CNTN5: variants seen among roughly 807,000 people sequenced by gnomAD.
CNTN5 encodes the protein contactin 5.
CNTN5 carries 77 observed loss-of-function variants against 129.1 expected under a neutral mutation model. The observed-to-expected ratio is 0.60, with a 90% confidence interval of 0.50 to 0.72. The LOEUF (loss-of-function observed/expected upper bound fraction) is 0.72. Among genes scored for constraint, CNTN5 ranks in the 30% least tolerant of loss-of-function variants. The pLI, the probability that CNTN5 is intolerant of heterozygous loss-of-function variation, is 0.00. For synonymous variants in CNTN5, 509 were observed against 465.6 expected (o/e 1.09, Z -1.20); for missense variants, 1,478 against 1,328.8 (o/e 1.11, Z -1.75).
At chr11:99,609,904 T>G (rs930498698) in intron 3 of CNTN5, among the ~76,000 whole-genome samples, 1 of 152,100 alleles carries the variant, frequency 6.6e-6, no homozygotes, top group South Asian at 2.1e-4. Context: ...AAGACAGAGG[T>G]AATAGCAGTT....
intron 2 of CNTN5, among the ~76,000 whole-genome samples, chr11:99,514,360 T>A (rs1412948905): frequency 2.0e-5 from 3 of 152,084 alleles, no homozygotes; most frequent in African/African-American, 7.2e-5. Flanking sequence ...ATGCAGTTGA[T>A]AAAGCAGCAT....
intron 9 of CNTN5, among the ~76,000 whole-genome samples, chr11:100,050,489 G>C (rs913161124): frequency 1.4e-4 from 22 of 152,042 alleles, no homozygotes; most frequent in African/African-American, 4.6e-4. Flanking sequence ...GTGGGGAGAG[G>C]GGGGAGGGAT....
chr11:99,472,665 TC>T (rs1458678470), intron 2 of CNTN5, among the ~76,000 whole-genome samples: 1 of 152,136 alleles, frequency 6.6e-6, no homozygotes, highest in African/African-American at 2.4e-5. Flanking sequence ...TTTCTTTCCT[TC>T]TTTCTTTTTT....
chr11:99,164,203 G>A lies in CNTN5; in HGVS notation c.-210+142933G>A, dbSNP rs537004441. Reference sequence around the variant, plus strand: ...TAACAGGGCATGGTGGCACCTGTCTGTAATCCTAGCTAATCAGGAAGCTGA... The same window carrying A: ...TAACAGGGCATGGTGGCACCTGTCTATAATCCTAGCTAATCAGGAAGCTGA... On this transcript the variant is annotated intron_variant, in intron 1 of 24. Transcript: ENST00000524871. Among the ~76,000 whole-genome samples the A allele has an allele frequency of 6.7e-4, 101 of 151,576 alleles. 1 individual carries two copies. The highest frequency in any genetic ancestry group is 2.3e-3 in the African/African-American group (93 of 41,330).
At chr11:99,577,823 T>TTTA (rs10677986) in intron 3 of CNTN5, among the ~76,000 whole-genome samples, 118,078 of 147,888 alleles carry the variant, frequency 0.8, 47,709 homozygotes, top group East Asian at 0.97. Flanking sequence ...AAGATTTTCT[T>TTTA]TTATTATTAT....
At chr11:99,343,853 A>G (rs1866632643) in intron 2 of CNTN5, among the ~76,000 whole-genome samples, 2 of 152,206 alleles carry the variant, frequency 1.3e-5, no homozygotes, top group Admixed American at 1.3e-4. Flanking sequence ...CAGGGCAAGT[A>G]AATGTGTAAT....
At chr11:99,353,450 G>A (rs78346743) in intron 2 of CNTN5, among the ~76,000 whole-genome samples, 11,789 of 152,178 alleles carry the variant, frequency 0.077, 633 homozygotes, top group African/African-American at 0.15. Flanking sequence ...GCGGGGAATG[G>A]TAATTTTGTC....
At chr11:99,193,959 CTG>C (rs1294183379) in intron 1 of CNTN5, among the ~76,000 whole-genome samples, 3 of 149,206 alleles carry the variant, frequency 2.0e-5, no homozygotes, top group Admixed American at 6.7e-5. Context: ...TTTTAAATGA[CTG>C]TGTTTTAAAA....
intron 6 of CNTN5, 113 bp from the exon 7 acceptor site, chr11:99,915,941 C>A: frequency 1.3e-6 from 1 of 778,732 alleles, no homozygotes; most frequent in East Asian, 2.7e-5. Flanking sequence ...CACTGATTAA[C>A]AAACAAAAGA....
chr11:99,739,902 T>C (rs1405638072), intron 3 of CNTN5, among the ~76,000 whole-genome samples: 2 of 152,122 alleles, frequency 1.3e-5, no homozygotes, highest in Non-Finnish European at 2.9e-5. Context: ...ACTAGGTGTG[T>C]TAAATATGAC....
At chr11:99,509,974 G>A (rs984309808) in intron 2 of CNTN5, among the ~76,000 whole-genome samples, 26 of 151,284 alleles carry the variant, frequency 1.7e-4, no homozygotes, top group Admixed American at 1.3e-4. Context: ...ATATACAAAT[G>A]TCGCTTAATC....
At chr11:99,842,883 A>G (rs1947558468) in intron 4 of CNTN5, among the ~76,000 whole-genome samples, 1 of 152,196 alleles carries the variant, frequency 6.6e-6, no homozygotes, top group African/African-American at 2.4e-5. Flanking sequence ...ATAATTTGGT[A>G]CAGTGAGACA....
chr11:99,391,775 T>C (rs1941272332), intron 2 of CNTN5, among the ~76,000 whole-genome samples: 2 of 152,036 alleles, frequency 1.3e-5, no homozygotes, highest in African/African-American at 4.8e-5. Context: ...TTTCTTCTGA[T>C]CACATAAAAA....
chr11:99,567,034 G>T (rs1228789694), intron 3 of CNTN5, among the ~76,000 whole-genome samples: 1 of 152,056 alleles, frequency 6.6e-6, no homozygotes, highest in Non-Finnish European at 1.5e-5. Context: ...ATAAATCTTA[G>T]AATCAAAAAT....
At chr11:100,159,340 C>G (rs1363743115) in intron 13 of CNTN5, among the ~76,000 whole-genome samples, 1 of 151,812 alleles carries the variant, frequency 6.6e-6, no homozygotes, top group African/African-American at 2.4e-5. Context: ...ATTATTTCTG[C>G]ACTCTTCTTG....
At chr11:99,975,811 C>T (rs750750840) in intron 8 of CNTN5, among the ~76,000 whole-genome samples, 3 of 152,126 alleles carry the variant, frequency 2.0e-5, no homozygotes, top group East Asian at 1.9e-4. Context: ...ATCATTCTAC[C>T]GCGGCCCCTC....
chr11:100,159,139 T>C (rs1947354172), intron 13 of CNTN5, among the ~76,000 whole-genome samples: 1 of 151,582 alleles, frequency 6.6e-6, no homozygotes, highest in African/African-American at 2.4e-5. Flanking sequence ...ATGCTAAAAC[T>C]ACAGGAAAAG....
At chr11:99,834,681 T>A (rs1947248181) in intron 4 of CNTN5, among the ~76,000 whole-genome samples, 1 of 152,216 alleles carries the variant, frequency 6.6e-6, no homozygotes, top group Non-Finnish European at 1.5e-5. Flanking sequence ...TTAAAAACTT[T>A]GAGAACTGCT....
At chr11:99,679,615 C>T (rs529087390) in intron 3 of CNTN5, among the ~76,000 whole-genome samples, 14 of 152,250 alleles carry the variant, frequency 9.2e-5, no homozygotes, top group Admixed American at 4.6e-4. Flanking sequence ...TTTTTCCTGT[C>T]CCTCTCCCTG....
Sources: allele counts gnomAD v4.1 joint callset (sites outside exome capture counted in the v4.1 genomes callset), GRCh38; gene constraint gnomAD v4.1.1; transcripts MANE v1.5; gene names NCBI Gene and HGNC (gene_info 2026-07-23, HGNC 2026-07-21).